Variants in AGFG1 observed in about 807,000 individuals in gnomAD.
AGFG1 encodes the protein ArfGAP with FG repeats 1.
A neutral mutation model predicts 60.6 loss-of-function variants in AGFG1; 10 were observed. The observed-to-expected ratio is 0.16, with a 90% CI of 0.10 to 0.28. The LOEUF is 0.28. Among genes scored for constraint, AGFG1 ranks in the 10% least tolerant of loss-of-function variants. The pLI is 1.00. For missense variants in AGFG1, 537 were observed against 676.5 expected (o/e 0.79, Z 2.29); for synonymous variants, 247 against 242.9 (o/e 1.02, Z -0.16).
chr2:227,529,425 A>G (rs1692096940), intron 5 of AGFG1, among the ~76,000 whole-genome samples: 1 of 152,296 alleles, frequency 6.6e-6, no homozygotes, highest in East Asian at 1.9e-4. Flanking sequence ...TTATTCACAT[A>G]TGCCAGTCTG....
At chr2:227,491,509 A>C in intron 1 of AGFG1, 38 bp from the exon 2 acceptor site, 1 of 1,294,580 alleles carries the variant, frequency 7.7e-7, no homozygotes, top group Non-Finnish European at 1.1e-6. Flanking sequence ...AAAATGTGGT[A>C]TGTACTAGTA....
At chr2:227,550,701 C>T (rs747475052) in intron 10 of AGFG1, among the ~76,000 whole-genome samples, 7 of 152,046 alleles carry the variant, frequency 4.6e-5, no homozygotes, top group African/African-American at 1.4e-4. Context: ...TACAAACATA[C>T]GACTACAGGG....
At chr2:227,474,870 G>A (rs1483773726) in intron 1 of AGFG1, among the ~76,000 whole-genome samples, 1 of 152,182 alleles carries the variant, frequency 6.6e-6, no homozygotes, top group Non-Finnish European at 1.5e-5. Flanking sequence ...CAATCTATTT[G>A]AGCTTGATTT....
intron 2 of AGFG1, among the ~76,000 whole-genome samples, chr2:227,493,255 G>C (rs537815282): frequency 6.6e-6 from 1 of 152,248 alleles, no homozygotes; most frequent in East Asian, 1.9e-4. Context: ...CTGTATAGCA[G>C]ATCTCTAGAA....
At chr2:227,491,330 A>T (rs1193172778) in intron 1 of AGFG1, among the ~76,000 whole-genome samples, 1 of 152,152 alleles carries the variant, frequency 6.6e-6, no homozygotes, top group African/African-American at 2.4e-5. Context: ...GGTTAATTGA[A>T]TTTATTGTTA....
At chr2:227,497,173 C>A (rs569233518) in intron 2 of AGFG1, among the ~76,000 whole-genome samples, 4 of 151,164 alleles carry the variant, frequency 2.6e-5, no homozygotes, top group African/African-American at 9.7e-5. Flanking sequence ...CTTCCCCCCC[C>A]ACCCCACACA....
intron 1 of AGFG1, among the ~76,000 whole-genome samples, chr2:227,482,839 C>G (rs960952117): frequency 1.3e-5 from 2 of 152,194 alleles, no homozygotes; most frequent in East Asian, 1.9e-4. Flanking sequence ...GTCATTAAAA[C>G]TAAATCTCCT....
intron 5 of AGFG1, among the ~76,000 whole-genome samples, chr2:227,525,858 T>C (rs2106211293): frequency 6.6e-6 from 1 of 152,312 alleles, no homozygotes; most frequent in South Asian, 2.1e-4. Flanking sequence ...TAATGTTAGC[T>C]CTTGGTGCTC....
chr2:227,499,702 A>G (rs1362329782), intron 2 of AGFG1, among the ~76,000 whole-genome samples: 1 of 152,074 alleles, frequency 6.6e-6, no homozygotes, highest in African/African-American at 2.4e-5. Context: ...TGACACCTAC[A>G]AAGATTGGAC....
At chr2:227,553,927 A>G in intron 12 of AGFG1, 132 bp downstream of exon 12, 1 of 638,364 alleles carries the variant, frequency 1.6e-6, no homozygotes, top group East Asian at 2.8e-5. Flanking sequence ...AAGATTGTAC[A>G]AATTGACACA....
intron 3 of AGFG1, among the ~76,000 whole-genome samples, chr2:227,522,451 G>T (rs1204604783): frequency 5.3e-5 from 8 of 152,128 alleles, no homozygotes; most frequent in African/African-American, 1.7e-4. Flanking sequence ...GAAAGCAGTT[G>T]TTTGTGATTA....
intron 10 of AGFG1, among the ~76,000 whole-genome samples, chr2:227,547,728 G>T (rs184531702): frequency 2.6e-5 from 4 of 152,156 alleles, no homozygotes; most frequent in Non-Finnish European, 1.5e-5. Flanking sequence ...TAGAAACCTC[G>T]TATATTGCTT....
At position 227,524,840 on chromosome 2, in the gene AGFG1, A is replaced by G. The variant is rs1454308336; in HGVS notation, c.619A>G (p.Ile207Val). Residue 207 changes from isoleucine to valine, a missense_variant, in exon 5 of 13, where the codon ATC becomes GTC. Coordinates refer to ENST00000310078, the MANE Select transcript of AGFG1 (RefSeq NM_004504.5). ...CCTTTTAAGTGATCTCGGCTCAGACATCTTTGCTGCTCCAGCTCCTCAGTC... is the reference window on the plus strand; with the variant it reads ...CCTTTTAAGTGATCTCGGCTCAGACGTCTTTGCTGCTCCAGCTCCTCAGTC... ...FDLLSDLGSD[I>V]FAAPAPQSTA... 3 of 1,614,192 alleles carry G rather than the reference A, an allele frequency of 1.9e-6. No homozygotes were observed. Among genetic ancestry groups the G allele is most frequent in the Admixed American group, 3.3e-5 (2 of 60,028 alleles).
chr2:227,472,317 C>T lies in AGFG1; in HGVS notation c.-105C>T. On this transcript the variant is annotated 5_prime_UTR_variant, in exon 1 of 13. The change creates a new upstream start codon in the 5' untranslated region. Coordinates refer to ENST00000310078, the MANE Select transcript of AGFG1 (RefSeq NM_004504.5). The stretch of plus-strand genomic sequence containing the variant: ...GTCCGGCGCGGGCGGCGCGCGCAGA[C>T]GGAGGGCGGCGGCCGCGGCCAGGGC... The T allele has an allele frequency of 1.4e-6, 1 of 736,212 alleles. No individual in the cohort carries two copies. Among genetic ancestry groups the T allele is most frequent in the Non-Finnish European group, 1.7e-6 (1 of 604,512 alleles). 45.6% of individuals were successfully genotyped at this position (736,212 alleles called of 1,614,324 possible).
At chr2:227,512,401 G>T (rs1370974769) in intron 2 of AGFG1, among the ~76,000 whole-genome samples, 3 of 152,174 alleles carry the variant, frequency 2.0e-5, no homozygotes, top group African/African-American at 7.2e-5. Flanking sequence ...ATATGTGTCA[G>T]TCAGAAATAC....
At chr2:227,538,167 G>A (rs1193415752) in intron 10 of AGFG1, among the ~76,000 whole-genome samples, 3 of 152,154 alleles carry the variant, frequency 2.0e-5, no homozygotes, top group African/African-American at 7.2e-5. Flanking sequence ...TGTGGACTGA[G>A]TTTGTAAAAT....
At chr2:227,547,400 AT>A (rs1692685298) in intron 10 of AGFG1, among the ~76,000 whole-genome samples, 1 of 152,190 alleles carries the variant, frequency 6.6e-6, no homozygotes, top group Non-Finnish European at 1.5e-5. Flanking sequence ...ATAATCTACA[AT>A]TGGTATTTTA....
chr2:227,510,499 T>G, intron 2 of AGFG1, among the ~76,000 whole-genome samples: 1 of 150,788 alleles, frequency 6.6e-6, no homozygotes, highest in East Asian at 1.9e-4. Context: ...CAAGACATAG[T>G]ATGAGAAGCA....
At position 227,558,533 on chromosome 2, in the gene AGFG1, CTT is replaced by C. The variant is rs1693044900; in HGVS notation, c.*4041_*4042del. 1 of 152,024 alleles carries C rather than the reference CTT, an allele frequency of 6.6e-6. No individual in the cohort carries two copies. The highest frequency in any genetic ancestry group is 2.4e-5 in the African/African-American group (1 of 41,404). 9.4% of individuals were successfully genotyped at this position (152,024 alleles called of 1,614,324 possible). The stretch of plus-strand genomic sequence containing the variant: ...ATTGATACAGTTTGTGGCCTATACA[CTT>C]TTAAAATTTATTTTTTAAAAGGTGA... On this transcript the variant is annotated 3_prime_UTR_variant, in exon 13 of 13. Coordinates refer to ENST00000310078, the MANE Select transcript of AGFG1 (RefSeq NM_004504.5).
Sources: allele counts gnomAD v4.1 joint callset (sites outside exome capture counted in the v4.1 genomes callset), GRCh38; gene constraint gnomAD v4.1.1; transcripts MANE v1.5; gene names NCBI Gene and HGNC (gene_info 2026-07-23, HGNC 2026-07-21).